Variants in TBC1D31 observed in about 807,000 individuals in gnomAD.
The protein encoded by TBC1D31 is WD repeat domain 67.
A neutral mutation model predicts 132.9 loss-of-function variants in TBC1D31; 99 were observed. The ratio of observed to expected loss-of-function variants is 0.74; its 90% CI spans 0.63 to 0.88. TBC1D31 has a LOEUF of 0.88. Ranked by LOEUF, TBC1D31 falls within the 40% of genes least tolerant of loss-of-function variation. TBC1D31 has a pLI of 0.00. For synonymous variants in TBC1D31, 385 were observed against 419.4 expected (o/e 0.92, Z 1.00); for missense variants, 1,134 against 1,256.6 (o/e 0.90, Z 1.48).
At chr8:123,079,536 A>T (rs1442967812) in intron 2 of TBC1D31, among the ~76,000 whole-genome samples, 1 of 152,226 alleles carries the variant, frequency 6.6e-6, no homozygotes, top group Non-Finnish European at 1.5e-5. Flanking sequence ...ATCTTAAATC[A>T]GTACCACTGT....
At chr8:123,150,266 G>C in intron 21 of TBC1D31, 138 bp downstream of exon 21, 1 of 659,314 alleles carries the variant, frequency 1.5e-6, no homozygotes, top group South Asian at 1.9e-5. Context: ...CTAAAAGGGA[G>C]GCAGCAAGAT....
the TBC1D31 span, among the ~76,000 whole-genome samples, chr8:123,158,451 GC>G: frequency 6.6e-6 from 1 of 152,078 alleles, no homozygotes; most frequent in Non-Finnish European, 1.5e-5. Flanking sequence ...GTGTGTGGAC[GC>G]CCGCGGGTCT....
chr8:123,117,594 A>T (rs1338231656), intron 10 of TBC1D31, among the ~76,000 whole-genome samples: 1 of 151,094 alleles, frequency 6.6e-6, no homozygotes, highest in Non-Finnish European at 1.5e-5. Flanking sequence ...CTCTACTAAA[A>T]ATACAAAAAT....
At chr8:123,133,796 T>C (rs1820834641) in intron 16 of TBC1D31, among the ~76,000 whole-genome samples, 1 of 152,228 alleles carries the variant, frequency 6.6e-6, no homozygotes, top group African/African-American at 2.4e-5. Context: ...TACCCCAGAT[T>C]TAAATTGCTC....
At chr8:123,104,583 T>C (rs12545026) in intron 7 of TBC1D31, among the ~76,000 whole-genome samples, 30,362 of 152,160 alleles carry the variant, frequency 0.2, 3,098 homozygotes, top group African/African-American at 0.25. Flanking sequence ...TCACTTCCTT[T>C]GAAGAAGGAA....
At position 123,120,068 on chromosome 8, in the gene TBC1D31, T is replaced by G; in HGVS notation, c.1450T>G (p.Leu484Val). The G allele has an allele frequency of 6.2e-7, 1 of 1,602,980 alleles. No homozygotes were observed. Among genetic ancestry groups the G allele is most frequent in the Non-Finnish European group, 8.5e-7 (1 of 1,176,394 alleles). Reference sequence around the variant, plus strand: ...TTTTATTCACAGAACCTTATCTGCATTAGCTCACTGGTCTGTCATTTTTAG... The same window carrying G: ...TTTTATTCACAGAACCTTATCTGCAGTAGCTCACTGGTCTGTCATTTTTAG... The part of the protein sequence containing the change: ...LRVLQRTLSA[L>V]AHWSVIFSDT... The change falls in exon 11 of 22, where the codon TTA (leucine) becomes GTA (valine). Residue 484 changes from leucine (L) to valine (V), a missense_variant. Physicochemically the swap from Leu to Val is conservative, Grantham distance 32. Transcript: ENST00000287380.
chr8:123,077,455 G>A (rs984377222), intron 2 of TBC1D31, among the ~76,000 whole-genome samples, 198 bp downstream of exon 2: 1 of 151,354 alleles, frequency 6.6e-6, no homozygotes, highest in African/African-American at 2.4e-5. Flanking sequence ...ACATTTTAAA[G>A]AATTAAAGTG....
At chr8:123,117,541 T>A (rs1819045651) in intron 10 of TBC1D31, among the ~76,000 whole-genome samples, 1 of 151,106 alleles carries the variant, frequency 6.6e-6, no homozygotes, top group Non-Finnish European at 1.5e-5. Flanking sequence ...GATGACGAGG[T>A]CAGGAGATCG....
chr8:123,139,682 A>C (rs944229956), intron 17 of TBC1D31, among the ~76,000 whole-genome samples: 3 of 152,172 alleles, frequency 2.0e-5, no homozygotes, highest in African/African-American at 7.2e-5. Flanking sequence ...AGCCCGTAGC[A>C]TATACACAGC....
chr8:123,164,627 C>G, the TBC1D31 span, among the ~76,000 whole-genome samples: 7 of 151,802 alleles, frequency 4.6e-5, no homozygotes, highest in African/African-American at 1.5e-4. Flanking sequence ...GAGGCTGAGA[C>G]AGGAGAATCT....
Position 123,150,127 on chromosome 8 carries a change from G to C in TBC1D31, c.3066G>C (p.Gln1022His). 6.2e-7 allele frequency: 1 copy of C among 1,606,248 alleles called. No homozygotes were observed. The highest frequency in any genetic ancestry group is 1.1e-5 in the South Asian group (1 of 90,650). ...CTTCTGAAATGGATCCCTCAACACAGAGTAAGTTGATAAGCAAGAAAATGT... is the reference window on the plus strand; with the variant it reads ...CTTCTGAAATGGATCCCTCAACACACAGTAAGTTGATAAGCAAGAAAATGT... The part of the protein sequence containing the change: ...NDSSEMDPST[Q>H]ISLNRRAVEW... The change falls in exon 21 of 22, where the codon CAG (glutamine) becomes CAC (histidine). Residue 1022 changes from glutamine to histidine, a missense_variant and splice_region_variant. By Grantham distance (24) the Gln-to-His change is conservative (BLOSUM62 0). Transcript: ENST00000287380.
intron 7 of TBC1D31, chr8:123,102,222 G>T (rs1563699177): frequency 2.2e-6 from 1 of 456,574 alleles, no homozygotes; most frequent in Admixed American, 2.3e-5. Context: ...ATGATCACCT[G>T]GTCTAACCCT....
intron 4 of TBC1D31, among the ~76,000 whole-genome samples, chr8:123,084,668 AACACGTG>A (rs1815529519): frequency 6.6e-6 from 1 of 152,222 alleles, no homozygotes; most frequent in African/African-American, 2.4e-5. Flanking sequence ...AGAATTTTTG[AACACGTG>A]TACATTCAGT....
At chr8:123,136,597 C>T (rs979258678) in intron 17 of TBC1D31, among the ~76,000 whole-genome samples, 2 of 152,038 alleles carry the variant, frequency 1.3e-5, no homozygotes, top group Non-Finnish European at 2.9e-5. Flanking sequence ...ATTACAGGTG[C>T]CCACCACCGC....
At chr8:123,128,189 A>G in intron 13 of TBC1D31, 92 bp from the exon 14 acceptor site, 1 of 648,328 alleles carries the variant, frequency 1.5e-6, no homozygotes, top group Non-Finnish European at 2.7e-6. Context: ...ATTCTTAAAG[A>G]TAGATACACT....
the TBC1D31 span, among the ~76,000 whole-genome samples, chr8:123,164,924 T>G: frequency 2.6e-5 from 4 of 152,208 alleles, no homozygotes; most frequent in Admixed American, 2.6e-4. Flanking sequence ...CATTTTCCAC[T>G]TAACAGTAAG....
intron 7 of TBC1D31, chr8:123,103,243 A>G (rs1301145701): frequency 2.0e-5 from 3 of 152,154 alleles, no homozygotes; most frequent in South Asian, 2.1e-4. Context: ...CTCTAAACAT[A>G]TGGGATTATA....
At chr8:123,096,667 C>A (rs901440634) in intron 5 of TBC1D31, among the ~76,000 whole-genome samples, 1 of 152,222 alleles carries the variant, frequency 6.6e-6, no homozygotes, top group African/African-American at 2.4e-5. Context: ...CTTCTGGGAC[C>A]ATACCTGGCT....
chr8:123,136,198 G>T (rs572466492), intron 17 of TBC1D31, among the ~76,000 whole-genome samples: 9 of 152,190 alleles, frequency 5.9e-5, no homozygotes, highest in Admixed American at 3.3e-4. Context: ...TTGATCCATT[G>T]TATCCAAAAT....
Sources: allele counts gnomAD v4.1 joint callset (sites outside exome capture counted in the v4.1 genomes callset), GRCh38; gene constraint gnomAD v4.1.1; transcripts MANE v1.5; gene names NCBI Gene and HGNC (gene_info 2026-07-23, HGNC 2026-07-21).